The following GRM5 variants were observed in gnomAD, a reference collection of about 807,000 sequenced individuals.
The protein encoded by GRM5 is metabotropic glutamate receptor 5.
In GRM5, 19 loss-of-function variants were observed where a neutral mutation model predicts 83.1. That is an observed-to-expected ratio of 0.23 (90% CI 0.16 to 0.34). GRM5 has a LOEUF of 0.34. Ranked by LOEUF, GRM5 falls within the 10% of genes least tolerant of loss-of-function variation. The pLI is 1.00. For synonymous variants in GRM5, 675 were observed against 633.6 expected (o/e 1.07, Z -0.98); for missense variants, 1,160 against 1,588.3 (o/e 0.73, Z 4.58).
At chr11:89,037,674 A>G (rs766829597) in intron 2 of GRM5, among the ~76,000 whole-genome samples, 4 of 152,134 alleles carry the variant, frequency 2.6e-5, no homozygotes, top group Non-Finnish European at 4.4e-5. Context: ...CAGTTGTTCA[A>G]TGCTTCTATC....
intron 2 of GRM5, 122 bp from the exon 3 acceptor site, chr11:88,850,277 A>C: frequency 1.2e-6 from 1 of 801,850 alleles, no homozygotes; most frequent in Non-Finnish European, 2.0e-6. Flanking sequence ...CAACCTGAAG[A>C]CCTGAATTTT....
At chr11:89,021,546 C>T (rs1030408536) in intron 2 of GRM5, among the ~76,000 whole-genome samples, 1 of 152,128 alleles carries the variant, frequency 6.6e-6, no homozygotes, top group Non-Finnish European at 1.5e-5. Flanking sequence ...CAGCTCAGCA[C>T]AATTTGGAGA....
intron 9 of GRM5, among the ~76,000 whole-genome samples, chr11:88,517,068 A>T (rs1162135469): frequency 6.6e-6 from 1 of 152,006 alleles, no homozygotes; most frequent in African/African-American, 2.4e-5. Flanking sequence ...TTACACAAAC[A>T]TACAGCTATT....
At chr11:88,785,416 A>G (rs921162353) in intron 3 of GRM5, among the ~76,000 whole-genome samples, 1 of 152,120 alleles carries the variant, frequency 6.6e-6, no homozygotes, top group Non-Finnish European at 1.5e-5. Flanking sequence ...TGATTTGGAG[A>G]TGAATAGATC....
intron 3 of GRM5, among the ~76,000 whole-genome samples, chr11:88,786,242 T>C (rs1441189007): frequency 6.6e-6 from 1 of 152,110 alleles, no homozygotes; most frequent in Non-Finnish European, 1.5e-5. Context: ...TGAATGTGAA[T>C]AGGAATTTGA....
At position 88,508,463 on chromosome 11, in the gene GRM5, T is replaced by C. The variant is rs1315632281; in HGVS notation, c.*129A>G. 1 of 619,968 alleles carries C rather than the reference T, an allele frequency of 1.6e-6. No homozygotes were observed. 38.4% of individuals were successfully genotyped at this position (619,968 alleles called of 1,614,324 possible). A position where few individuals can be genotyped will look rare whatever the true frequency, so the allele number is the denominator to read the frequency against. The stretch of plus-strand genomic sequence containing the variant: ...TGAGATAGCACTACTGATCTCGTGT[T>C]TCCATTAAGGGGTGCCCTTGGCATC... On this transcript the variant is annotated 3_prime_UTR_variant, in exon 10 of 10. Transcript: ENST00000305447. The surrounding 1 kb of genome is among the most constrained non-coding windows in gnomAD (Gnocchi z 4.2).
chr11:89,057,586 G>A (rs1380033369), intron 1 of GRM5, among the ~76,000 whole-genome samples: 1 of 152,126 alleles, frequency 6.6e-6, no homozygotes, highest in Non-Finnish European at 1.5e-5. Context: ...AGTCTATGAA[G>A]ACCTGGAACA....
intron 3 of GRM5, among the ~76,000 whole-genome samples, chr11:88,751,093 A>AAAAAAAAAAAAAAAAAC (rs1942264660): frequency 7.0e-6 from 1 of 143,124 alleles, no homozygotes; most frequent in African/African-American, 2.6e-5. Flanking sequence ...AAAAAAAAAA[A>AAAAAAAAAAAAAAAAAC]AACAAAGAAC....
intron 4 of GRM5, among the ~76,000 whole-genome samples, chr11:88,639,961 G>A (rs1939245660): frequency 1.3e-5 from 2 of 152,124 alleles, no homozygotes; most frequent in Non-Finnish European, 2.9e-5. Context: ...ACACTTACTT[G>A]AGTGGATAAT....
In GRM5 at chr11:88,604,945, T is replaced by C. The variant is rs2306153; in HGVS notation, c.1167A>G (p.Thr389=). 15,473 of 1,612,858 alleles carry C rather than the reference T, an allele frequency of 9.6e-3. 537 individuals are homozygous for C. In the African/African-American group the frequency reaches 0.1, roughly 11 times the overall value. Residue 389 remains threonine (T), a synonymous_variant, in exon 5 of 10, where the codon ACA becomes ACG. Transcript: ENST00000305447. ...KTCNSSLTLK[T]HHVQDSKMGF... Reference sequence around the variant, plus strand: ...CCATTTTGGAATCCTGAACATGATGTGTTTTCAGAGTCAGAGAACCTGTTG... The same window carrying C: ...CCATTTTGGAATCCTGAACATGATGCGTTTTCAGAGTCAGAGAACCTGTTG...
At chr11:88,570,571 A>ATATATATATATATATTTTTTT (rs1405339448) in intron 7 of GRM5, among the ~76,000 whole-genome samples, 2 of 46,374 alleles carry the variant, frequency 4.3e-5, no homozygotes, top group Non-Finnish European at 7.0e-5. Context: ...ATATATATAT[A>ATATATATATATATATTTTTTT]TTTTTTTTTT....
At chr11:88,814,462 G>C (rs12272642) in intron 3 of GRM5, among the ~76,000 whole-genome samples, 3,877 of 152,248 alleles carry the variant, frequency 0.025, 174 homozygotes, top group African/African-American at 0.089. Context: ...AGGATACACA[G>C]AAGACCTGGA....
chr11:88,925,399 C>T (rs1202511085), intron 2 of GRM5, among the ~76,000 whole-genome samples: 1 of 152,040 alleles, frequency 6.6e-6, no homozygotes, highest in African/African-American at 2.4e-5. Flanking sequence ...TTACTTTGTA[C>T]TATGCTTGGC....
intron 3 of GRM5, among the ~76,000 whole-genome samples, chr11:88,795,358 T>G (rs1207745935): frequency 2.6e-5 from 4 of 152,166 alleles, no homozygotes; most frequent in Non-Finnish European, 5.9e-5. Flanking sequence ...GAGCCAGTGT[T>G]GTGACTACCT....
chr11:88,772,691 C>T (rs1435694036), intron 3 of GRM5, among the ~76,000 whole-genome samples: 5 of 152,174 alleles, frequency 3.3e-5, no homozygotes, highest in Non-Finnish European at 7.4e-5. Context: ...TGAGTGAGAA[C>T]ATGCGGTGTT....
intron 2 of GRM5, among the ~76,000 whole-genome samples, chr11:88,874,283 C>A (rs148172268): frequency 7.2e-4 from 109 of 151,910 alleles, no homozygotes; most frequent in Middle Eastern, 3.4e-3. Flanking sequence ...AGAAATAAAT[C>A]CATGCATTTC....
At chr11:88,646,062 G>A (rs537846293) in intron 4 of GRM5, among the ~76,000 whole-genome samples, 1 of 152,090 alleles carries the variant, frequency 6.6e-6, no homozygotes, top group Admixed American at 6.6e-5. Flanking sequence ...AGGAAATTTA[G>A]GTGAAAATGT....
chr11:88,712,381 G>GTGTT (rs1941302214), intron 3 of GRM5, among the ~76,000 whole-genome samples: 1 of 151,946 alleles, frequency 6.6e-6, no homozygotes, highest in South Asian at 2.1e-4. Flanking sequence ...GCAGTCTAGG[G>GTGTT]TGTTTGTTAT....
chr11:88,548,447 A>T (rs1218280359), intron 8 of GRM5, among the ~76,000 whole-genome samples: 1 of 152,206 alleles, frequency 6.6e-6, no homozygotes, highest in African/African-American at 2.4e-5. Context: ...AAATTAAAAA[A>T]ATCCACTGTA....
Sources: allele counts gnomAD v4.1 joint callset (sites outside exome capture counted in the v4.1 genomes callset), GRCh38; gene constraint gnomAD v4.1.1; non-coding constraint Gnocchi (gnomAD v3.1); transcripts MANE v1.5; gene names NCBI Gene and HGNC (gene_info 2026-07-23, HGNC 2026-07-21).